RERE: variants seen among roughly 807,000 people sequenced by gnomAD.
RERE encodes arginine-glutamic acid dipeptide repeats, also known as arginine-glutamic acid dipeptide repeats protein.
In RERE, 40 loss-of-function variants were observed where a neutral mutation model predicts 146.1. The ratio of observed to expected loss-of-function variants is 0.27; its 90% confidence interval spans 0.21 to 0.36. The LOEUF (loss-of-function observed/expected upper bound fraction) is 0.36, where lower values mean the gene tolerates loss of function less well. Among genes scored for constraint, RERE ranks in the 10% least tolerant of loss-of-function variants. RERE has a pLI of 1.00. For missense variants in RERE, 1,933 were observed against 2,138.7 expected, an observed-to-expected ratio of 0.90 and a Z score of 1.90; for synonymous variants, 1,003 against 866.0, an observed-to-expected ratio of 1.16 and a Z score of -2.78.
At chr1:8,516,331 G>A (rs368967527) in intron 7 of RERE, among the ~76,000 whole-genome samples, 32 of 151,432 alleles carry the variant, frequency 2.1e-4, no homozygotes, top group African/African-American at 7.3e-4. Context: ...TCTATGCTGG[G>A]CACATATTAT....
intron 1 of RERE, among the ~76,000 whole-genome samples, chr1:8,762,885 C>A (rs575606856): frequency 6.6e-6 from 1 of 152,098 alleles, no homozygotes; most frequent in Non-Finnish European, 1.5e-5. Context: ...CCAGAATGAC[C>A]TGGGACCATG....
intron 1 of RERE, among the ~76,000 whole-genome samples, chr1:8,801,676 G>A (rs755347276): frequency 1.3e-5 from 2 of 152,208 alleles, no homozygotes; most frequent in Non-Finnish European, 2.9e-5. Flanking sequence ...AGAAGGAAAT[G>A]AAAACCCTAA....
chr1:8,693,555 T>C (rs1035173461), intron 1 of RERE, among the ~76,000 whole-genome samples: 2 of 152,008 alleles, frequency 1.3e-5, no homozygotes, highest in African/African-American at 4.8e-5. Flanking sequence ...ATGGAGATAT[T>C]AAAAAAGATC....
intron 1 of RERE, among the ~76,000 whole-genome samples, chr1:8,787,830 CAAAA>C (rs1254862943): frequency 2.5e-5 from 3 of 117,940 alleles, no homozygotes; most frequent in African/African-American, 6.5e-5. Context: ...GACTCTGCCT[CAAAA>C]AAAAAAAAAA....
rs777588363 is a variant in RERE at position 8,360,856 on chromosome 1, G to A, written c.2651C>T (p.Pro884Leu). 1.3e-6 allele frequency: 2 copies of A among 1,536,066 alleles called. No homozygotes were observed. The highest frequency in any genetic ancestry group is 2.4e-5 in the South Asian group (2 of 84,442). ...LPPQASQGQA[P>L]LGTSPAAAYP... ...CGCTGCTGCTGGGGAGGTCCCCAGA[G>A]GGGCCTGGCCTTGGGAGGCCTGGGG... Residue 884 changes from proline (P) to leucine (L), a missense_variant, in exon 18 of 23, where the codon CCT becomes CTT. By Grantham distance (98) the Pro-to-Leu change is moderately conservative. Coordinates refer to ENST00000400908, the MANE Select transcript of RERE (RefSeq NM_001042681.2).
At position 8,356,216 on chromosome 1, in the gene RERE, T is replaced by C; in HGVS notation, c.4370A>G (p.Asp1457Gly). The C allele has an allele frequency of 6.6e-7, 1 of 1,522,098 alleles. No individual in the cohort carries two copies. The highest frequency in any genetic ancestry group is 8.7e-7 in the Non-Finnish European group (1 of 1,146,318). The allele number at this position is 1,522,098 out of a possible 1,614,324, so 94.3% of individuals were successfully genotyped here. A position where few individuals can be genotyped will look rare whatever the true frequency, so the allele number is the denominator to read the frequency against. Residue 1457 changes from aspartate (D) to glycine (G), a missense_variant, in exon 21 of 23, where the codon GAC becomes GGC. Physicochemically the swap from Asp to Gly is moderately conservative, Grantham distance 94. Transcript: ENST00000400908. This position sits in a 1 kb window ranked among gnomAD's most constrained non-coding sequence, Gnocchi z 5.2. Reference sequence around the variant, plus strand: ...CAGGTGGGGACCGGCAGTCAGGGGGTCGACCAGCGGGTGAACGGGGCCTGC... The same window carrying C: ...CAGGTGGGGACCGGCAGTCAGGGGGCCGACCAGCGGGTGAACGGGGCCTGC... ...GSAGPVHPLV[D>G]PLTAGPHLAR...
intron 12 of RERE, among the ~76,000 whole-genome samples, chr1:8,389,469 A>G (rs1441514244): frequency 6.6e-6 from 1 of 152,226 alleles, no homozygotes; most frequent in Non-Finnish European, 1.5e-5. Flanking sequence ...TGTGCGGCTC[A>G]GTGGATGCCC....
At chr1:8,581,858 T>A (rs1423086054) in intron 4 of RERE, among the ~76,000 whole-genome samples, 2 of 152,172 alleles carry the variant, frequency 1.3e-5, no homozygotes, top group Non-Finnish European at 2.9e-5. Flanking sequence ...TTAATATACC[T>A]CATATTTACA....
chr1:8,566,595 G>A (rs1646155803), intron 4 of RERE, among the ~76,000 whole-genome samples: 1 of 151,644 alleles, frequency 6.6e-6, no homozygotes, highest in Non-Finnish European at 1.5e-5. Context: ...CTCCAGCCTG[G>A]GCAACAGAGC....
intron 10 of RERE, among the ~76,000 whole-genome samples, chr1:8,486,028 G>A (rs544662449): frequency 6.6e-6 from 1 of 152,140 alleles, no homozygotes; most frequent in African/African-American, 2.4e-5. Context: ...TCGATCTCTT[G>A]ACCTTGTGAC....
intron 1 of RERE, among the ~76,000 whole-genome samples, chr1:8,780,634 T>A (rs1029740556): frequency 6.6e-6 from 1 of 152,170 alleles, no homozygotes; most frequent in South Asian, 2.1e-4. Flanking sequence ...CCGCTGGAAA[T>A]AGAAAAAGTA....
At chr1:8,434,124 C>CCA (rs1306316431) in intron 11 of RERE, among the ~76,000 whole-genome samples, 1 of 152,094 alleles carries the variant, frequency 6.6e-6, no homozygotes. Flanking sequence ...TTCCATCACC[C>CCA]CACCACTAGC....
intron 12 of RERE, among the ~76,000 whole-genome samples, chr1:8,384,502 C>T (rs528357583): frequency 6.6e-6 from 1 of 152,204 alleles, no homozygotes; most frequent in East Asian, 1.9e-4. Context: ...TGCTCTCATA[C>T]AGCAGCAAAT....
At chr1:8,410,588 G>A (rs965408429) in intron 12 of RERE, among the ~76,000 whole-genome samples, 1 of 152,208 alleles carries the variant, frequency 6.6e-6, no homozygotes, top group African/African-American at 2.4e-5. Flanking sequence ...TCCCCAGTCT[G>A]CAGGAATGCT....
At chr1:8,696,638 G>A (rs974809764) in intron 1 of RERE, among the ~76,000 whole-genome samples, 11 of 151,902 alleles carry the variant, frequency 7.2e-5, no homozygotes, top group Non-Finnish European at 1.2e-4. Flanking sequence ...GGCTGGGCGC[G>A]GTGGTTCACG....
rs559058974 is a variant in RERE at position 8,382,146 on chromosome 1, C to T, written c.1285-16172G>A. Among the ~76,000 whole-genome samples, 3 of 152,336 alleles carry T rather than the reference C, an allele frequency of 2.0e-5. No individual in the cohort carries two copies. The South Asian group carries it at 6.2e-4, about 32-fold the overall frequency. The stretch of plus-strand genomic sequence containing the variant: ...GTGTGCTGGAGCACATAGAGACTTC[C>T]TGCAGGCAGATAGCAAGAGGCTCTG... On this transcript the variant is annotated intron_variant, in intron 12 of 22. Transcript: ENST00000400908.
intron 12 of RERE, among the ~76,000 whole-genome samples, chr1:8,375,082 T>C (rs977813817): frequency 1.4e-5 from 2 of 139,122 alleles, no homozygotes; most frequent in African/African-American, 5.6e-5. Context: ...TAACCATACA[T>C]GGGCCCACCC....
intron 1 of RERE, among the ~76,000 whole-genome samples, chr1:8,774,966 T>C (rs71509054): frequency 0.24 from 30,444 of 125,462 alleles, 3,489 homozygotes; most frequent in African/African-American, 0.28. Context: ...TTTTTTTTTT[T>C]TTTTTTTTTT....
chr1:8,359,704 G>A lies in RERE; in HGVS notation c.3618+60C>T. ...AGGGCAGAGCTCGGTGGCCCAGCGTGGCTCCCAGGCGCAGGATGGACCAGC... is the reference window on the plus strand; with the variant it reads ...AGGGCAGAGCTCGGTGGCCCAGCGTAGCTCCCAGGCGCAGGATGGACCAGC... On this transcript the variant is annotated intron_variant, in intron 19 of 22. Transcript: ENST00000400908. The A allele has an allele frequency of 2.6e-6, 4 of 1,558,708 alleles. No individual in the cohort carries two copies. The South Asian group carries it at 4.5e-5, about 18-fold the overall frequency.
Sources: allele counts gnomAD v4.1 joint callset (sites outside exome capture counted in the v4.1 genomes callset), GRCh38; gene constraint gnomAD v4.1.1; non-coding constraint Gnocchi (gnomAD v3.1); transcripts MANE v1.5; gene names NCBI Gene and HGNC (gene_info 2026-07-23, HGNC 2026-07-21).